Variants in CDYL observed in about 807,000 individuals in gnomAD.
CDYL encodes chromodomain Y like.
In CDYL, 8 loss-of-function variants were observed where a neutral mutation model predicts 47.3. The observed-to-expected ratio is 0.17, with a 90% CI of 0.10 to 0.31. CDYL has a LOEUF of 0.31. Ranked by LOEUF, CDYL falls within the 10% of genes least tolerant of loss-of-function variation. CDYL has a pLI of 1.00. For missense variants in CDYL, 471 were observed against 701.4 expected, an observed-to-expected ratio of 0.67 and a Z score of 3.71; for synonymous variants, 266 against 265.0, an observed-to-expected ratio of 1.00 and a Z score of -0.04.
chr6:4,953,632 G>A (rs952360983), intron 6 of CDYL, among the ~76,000 whole-genome samples: 7 of 152,328 alleles, frequency 4.6e-5, no homozygotes, highest in Admixed American at 2.0e-4. Context: ...GCAGTGGCGC[G>A]GGGCCGAGGC....
chr6:4,795,592 G>C (rs540136037), intron 1 of CDYL, among the ~76,000 whole-genome samples: 40 of 151,930 alleles, frequency 2.6e-4, no homozygotes, highest in African/African-American at 9.7e-4. Context: ...AATCAATTAT[G>C]GTTTAATGTC....
intron 2 of CDYL, chr6:4,734,679 G>C: frequency 6.4e-7 from 1 of 1,574,382 alleles, no homozygotes; most frequent in Non-Finnish European, 8.6e-7. Flanking sequence ...TGGGAAGTTG[G>C]GGGATGGGGA....
At chr6:4,860,510 A>AT (rs1561674575) in intron 1 of CDYL, among the ~76,000 whole-genome samples, 4 of 147,276 alleles carry the variant, frequency 2.7e-5, no homozygotes, top group African/African-American at 7.4e-5. Context: ...TATATATATA[A>AT]AAAATATATA....
At chr6:4,809,940 C>T (rs1456777676) in intron 1 of CDYL, among the ~76,000 whole-genome samples, 1 of 150,106 alleles carries the variant, frequency 6.7e-6, no homozygotes, top group African/African-American at 2.5e-5. Flanking sequence ...TATATTAGTC[C>T]TTGGCGATAT....
intron 1 of CDYL, among the ~76,000 whole-genome samples, chr6:4,828,931 T>C (rs1760058077): frequency 6.6e-6 from 1 of 152,212 alleles, no homozygotes; most frequent in Admixed American, 6.5e-5. Context: ...TTATGTACGT[T>C]TCAGCTCCAG....
At chr6:4,783,417 C>CTATTT (rs529734493) in intron 1 of CDYL, among the ~76,000 whole-genome samples, 1 of 137,418 alleles carries the variant, frequency 7.3e-6, no homozygotes, top group African/African-American at 2.7e-5. Flanking sequence ...ATTCTTGAGA[C>CTATTT]TTTTTTTTTT....
chr6:4,909,492 A>G (rs550289907), intron 2 of CDYL, among the ~76,000 whole-genome samples: 4 of 152,222 alleles, frequency 2.6e-5, no homozygotes, highest in Admixed American at 6.5e-5. Context: ...AGGATTTTTT[A>G]TAGATGTAAG....
intron 1 of CDYL, among the ~76,000 whole-genome samples, chr6:4,846,989 G>T (rs1760679105): frequency 6.6e-6 from 1 of 152,172 alleles, no homozygotes; most frequent in African/African-American, 2.4e-5. Context: ...GATCCACTTA[G>T]ATCTGTGATC....
chr6:4,743,047 C>T (rs536626055), intron 3 of CDYL, among the ~76,000 whole-genome samples: 2 of 152,340 alleles, frequency 1.3e-5, no homozygotes, highest in African/African-American at 2.4e-5. Flanking sequence ...ACACTTCTCA[C>T]GCCCCAAGGC....
At chr6:4,921,847 C>T (rs1757726184) in intron 2 of CDYL, among the ~76,000 whole-genome samples, 2 of 152,116 alleles carry the variant, frequency 1.3e-5, no homozygotes, top group South Asian at 4.1e-4. Context: ...GCACCAACTG[C>T]ATGCAAAGCA....
rs199995927 is a variant in CDYL at position 4,834,507 on chromosome 6, T to C, written c.25-57206T>C. On this transcript the variant is annotated intron_variant, in intron 1 of 6. Transcript: ENST00000397588. ...CCTTTCTCTCTGGCTGCCCTTAACA[T>C]TTTTTCCTTCATTTCAACTTTGGTG... 3.9e-4 allele frequency among the ~76,000 whole-genome samples: 59 copies of C among 150,136 alleles called. 3 individuals are homozygous for C. In the East Asian group the frequency reaches 0.011, roughly 28 times the overall value.
chr6:4,759,094 G>A (rs1450432168), intron 3 of CDYL, among the ~76,000 whole-genome samples: 1 of 150,072 alleles, frequency 6.7e-6, no homozygotes. Context: ...TCAGCCTCCC[G>A]AGTAGCTGGG....
intron 1 of CDYL, among the ~76,000 whole-genome samples, chr6:4,826,480 AC>A (rs1387400621): frequency 1.3e-5 from 2 of 151,906 alleles, no homozygotes; most frequent in Non-Finnish European, 2.9e-5. Flanking sequence ...TTTTAATGTA[AC>A]CTTTACATCT....
intron 1 of CDYL, among the ~76,000 whole-genome samples, chr6:4,791,974 C>G (rs1758934211): frequency 6.6e-6 from 1 of 151,222 alleles, no homozygotes; most frequent in Non-Finnish European, 1.5e-5. Context: ...GCTCCACCTC[C>G]TGGGTTCACG....
chr6:4,759,349 T>A (rs1175799721), intron 3 of CDYL, among the ~76,000 whole-genome samples: 1 of 152,222 alleles, frequency 6.6e-6, no homozygotes, highest in Non-Finnish European at 1.5e-5. Flanking sequence ...AGAGACTTTG[T>A]GCATTTTATT....
intron 1 of CDYL, among the ~76,000 whole-genome samples, chr6:4,876,521 A>G (rs1357993705): frequency 6.6e-6 from 1 of 151,076 alleles, no homozygotes; most frequent in African/African-American, 2.4e-5. Context: ...TCTGATGGGC[A>G]TGTAGTTGTA....
chr6:4,947,625 G>A (rs1257647202), intron 5 of CDYL, among the ~76,000 whole-genome samples: 3 of 150,872 alleles, frequency 2.0e-5, no homozygotes, highest in African/African-American at 2.4e-5. Flanking sequence ...GCCAGCTGGG[G>A]AGCCGTGCAG....
chr6:4,716,200 G>T (rs1208952591), intron 2 of CDYL, among the ~76,000 whole-genome samples: 1 of 149,998 alleles, frequency 6.7e-6, no homozygotes, highest in Non-Finnish European at 1.5e-5. Context: ...GTGAGCCCGA[G>T]ATCGCGCCAC....
intron 3 of CDYL, among the ~76,000 whole-genome samples, chr6:4,747,593 C>T (rs1039359663): frequency 4.6e-5 from 7 of 152,154 alleles, no homozygotes; most frequent in Non-Finnish European, 7.3e-5. Flanking sequence ...AGGTCCTGAT[C>T]CTTTTTACCT....
Sources: gnomAD v4.1 joint callset for allele counts (sites outside exome capture counted in the v4.1 genomes callset) on GRCh38, gnomAD v4.1.1 for gene constraint, MANE v1.5 for transcripts, NCBI Gene and HGNC (gene_info 2026-07-23, HGNC 2026-07-21) for gene names.